CTIF: variants seen among roughly 807,000 people sequenced by gnomAD.
The protein encoded by CTIF is cap binding complex dependent translation initiation factor, also known as CBP80/20-dependent translation initiation factor.
Under a neutral mutation model 66.0 loss-of-function variants are expected in CTIF, and 21 were observed. That is an observed-to-expected ratio of 0.32 (90% CI 0.23 to 0.46). The LOEUF is 0.46. Among genes scored for constraint, CTIF ranks in the 20% least tolerant of loss-of-function variants. The pLI is 1.00. For missense variants in CTIF, 739 were observed against 812.7 expected (o/e 0.91, Z 1.10); for synonymous variants, 345 against 326.4 (o/e 1.06, Z -0.62).
At chr18:48,617,606 G>A (rs1221094671) in intron 1 of CTIF, among the ~76,000 whole-genome samples, 1 of 152,166 alleles carries the variant, frequency 6.6e-6, no homozygotes, top group South Asian at 2.1e-4. Flanking sequence ...GGTGTGGGGA[G>A]GTATAAGGTC....
Position 48,692,671 on chromosome 18 carries a change from G to A in CTIF, c.508-18948G>A, listed in dbSNP as rs899195046. On this transcript the variant is annotated intron_variant, in intron 6 of 11. Coordinates refer to ENST00000256413, the MANE Select transcript of CTIF (RefSeq NM_014772.3). The stretch of plus-strand genomic sequence containing the variant: ...TTCTGCATCTCCAGCCAGCTCCCAG[G>A]TGAGACCAACGCGGCTGGTCCTCAG... The A allele has an allele frequency of 2.0e-5, 3 of 152,358 alleles. No individual in the cohort carries two copies. In the East Asian group the frequency reaches 5.8e-4, roughly 29 times the overall value. 9.4% of individuals were successfully genotyped at this position (152,358 alleles called of 1,614,324 possible). A position where few individuals can be genotyped will look rare whatever the true frequency, so the allele number is the denominator to read the frequency against.
At chr18:48,785,864 A>G (rs1488416723) in intron 9 of CTIF, among the ~76,000 whole-genome samples, 1 of 152,214 alleles carries the variant, frequency 6.6e-6, no homozygotes, top group East Asian at 1.9e-4. Context: ...CCCCGCATCA[A>G]CATTGTTTAA....
intron 1 of CTIF, among the ~76,000 whole-genome samples, chr18:48,612,320 C>A (rs906091051): frequency 6.6e-6 from 1 of 152,210 alleles, no homozygotes. Context: ...CCTCTCTCCT[C>A]CCCACTCCAG....
chr18:48,811,993 C>T (rs940714204), intron 9 of CTIF, among the ~76,000 whole-genome samples: 1 of 152,144 alleles, frequency 6.6e-6, no homozygotes, highest in Non-Finnish European at 1.5e-5. Flanking sequence ...GATGGAGTCT[C>T]ACTCTGTCCC....
intron 9 of CTIF, among the ~76,000 whole-genome samples, chr18:48,809,113 A>T (rs2068210875): frequency 1.3e-5 from 2 of 152,184 alleles, no homozygotes; most frequent in African/African-American, 4.8e-5. Flanking sequence ...TTTCTTAATA[A>T]TGTCACTTAA....
At chr18:48,577,117 A>T (rs1486400455) in intron 1 of CTIF, among the ~76,000 whole-genome samples, 1 of 152,180 alleles carries the variant, frequency 6.6e-6, no homozygotes, top group African/African-American at 2.4e-5. Flanking sequence ...AGAAAATCAC[A>T]AACAGAAATT....
In CTIF at chr18:48,784,065, C is replaced by T. The variant is rs541958585; in HGVS notation, c.1371+22376C>T. Among the ~76,000 whole-genome samples the T allele has an allele frequency of 5.7e-4, 87 of 152,286 alleles. 1 individual carries two copies. The highest frequency in any genetic ancestry group is 1.0e-3 in the South Asian group (5 of 4,822). ...TGAGCATGTGCTGTGTTCCAGGCAG[C>T]GAGATGGTGGAAAAATGGAAAAGGA... is the stretch of plus-strand genomic sequence containing the variant. On this transcript the variant is annotated intron_variant, in intron 9 of 11. Coordinates refer to ENST00000256413, the MANE Select transcript of CTIF (RefSeq NM_014772.3).
At chr18:48,672,281 G>A (rs921871263) in intron 6 of CTIF, among the ~76,000 whole-genome samples, 6 of 151,864 alleles carry the variant, frequency 4.0e-5, no homozygotes, top group South Asian at 2.1e-4. Context: ...TGGTTCACTC[G>A]TCTGGCCTTG....
chr18:48,553,604 G>T (rs191795643), intron 1 of CTIF, among the ~76,000 whole-genome samples: 121 of 151,880 alleles, frequency 8.0e-4, no homozygotes, highest in Admixed American at 1.7e-3. Flanking sequence ...TGTATCTGTC[G>T]TAGATTTTAG....
Position 48,710,931 on chromosome 18 carries a change from C to T in CTIF, c.508-688C>T, listed in dbSNP as rs185051762. On this transcript the variant is annotated intron_variant, in intron 6 of 11. Coordinates refer to ENST00000256413, the MANE Select transcript of CTIF (RefSeq NM_014772.3). ...AGGCTGCAGTGAGCCGTGTTTGTAC[C>T]ACAGCTCTTCAGCCTGGATGACAAA... Among the ~76,000 whole-genome samples, 418 of 152,214 alleles carry T rather than the reference C, an allele frequency of 2.7e-3. 1 individual carries two copies. Among genetic ancestry groups the T allele is most frequent in the African/African-American group, 9.5e-3 (395 of 41,508 alleles).
intron 9 of CTIF, among the ~76,000 whole-genome samples, chr18:48,795,272 C>T (rs762122273): frequency 3.9e-5 from 6 of 152,176 alleles, no homozygotes; most frequent in Non-Finnish European, 7.3e-5. Context: ...ATTCTCCTCT[C>T]GCTCCCTAGA....
chr18:48,785,484 C>T (rs1911625500), intron 9 of CTIF, among the ~76,000 whole-genome samples: 1 of 152,216 alleles, frequency 6.6e-6, no homozygotes, highest in Non-Finnish European at 1.5e-5. Flanking sequence ...AGGCATCCTA[C>T]AGAAACCTGC....
chr18:48,591,185 A>G (rs985190205), intron 1 of CTIF, among the ~76,000 whole-genome samples: 2 of 152,158 alleles, frequency 1.3e-5, no homozygotes, highest in African/African-American at 4.8e-5. Flanking sequence ...TATAGCTCAG[A>G]TCTACTCAGG....
chr18:48,568,633 T>TAAAAAAAAAAAAAAG (rs2089332981), intron 1 of CTIF, among the ~76,000 whole-genome samples: 1 of 36,622 alleles, frequency 2.7e-5, no homozygotes, highest in Non-Finnish European at 6.0e-5. Context: ...GGGCAATTTG[T>TAAAAAAAAAAAAAAG]AAAAAAAAAA....
chr18:48,687,511 T>C (rs1333839608), intron 6 of CTIF, among the ~76,000 whole-genome samples: 1 of 151,948 alleles, frequency 6.6e-6, no homozygotes, highest in Non-Finnish European at 1.5e-5. Flanking sequence ...AGGATAAGGC[T>C]CTATTGTCCT....
intron 3 of CTIF, among the ~76,000 whole-genome samples, chr18:48,654,318 T>C (rs1179374056): frequency 6.6e-6 from 1 of 152,090 alleles, no homozygotes; most frequent in African/African-American, 2.4e-5. Flanking sequence ...GCAAAGGATA[T>C]GAACAGACGC....
chr18:48,837,568 TAAG>T (rs1359483958), intron 10 of CTIF, among the ~76,000 whole-genome samples: 3 of 151,894 alleles, frequency 2.0e-5, no homozygotes, highest in African/African-American at 4.8e-5. Flanking sequence ...CGATTAGAGC[TAAG>T]AAGAGGGTCT....
intron 1 of CTIF, among the ~76,000 whole-genome samples, chr18:48,607,264 G>A (rs537126683): frequency 6.6e-6 from 1 of 152,194 alleles, no homozygotes; most frequent in Non-Finnish European, 1.5e-5. Flanking sequence ...GGTTCGTAGA[G>A]AATTCAGGGA....
At chr18:48,726,393 C>G (rs531007162) in intron 7 of CTIF, among the ~76,000 whole-genome samples, 24 of 152,218 alleles carry the variant, frequency 1.6e-4, no homozygotes, top group Admixed American at 6.5e-5. Flanking sequence ...GTCAGGAATC[C>G]AGGAGCAGTT....
Sources: gnomAD v4.1 joint callset for allele counts (sites outside exome capture counted in the v4.1 genomes callset) on GRCh38, gnomAD v4.1.1 for gene constraint, MANE v1.5 for transcripts, NCBI Gene and HGNC (gene_info 2026-07-23, HGNC 2026-07-21) for gene names.